PTPRE: variants seen among roughly 807,000 people sequenced by gnomAD.
The protein encoded by PTPRE is protein tyrosine phosphatase receptor type E, also known as receptor-type tyrosine-protein phosphatase epsilon.
Under a neutral mutation model 102.0 loss-of-function variants are expected in PTPRE, and 51 were observed. The ratio of observed to expected loss-of-function variants is 0.50; its 90% CI spans 0.40 to 0.63. PTPRE has a LOEUF of 0.63. Ranked by LOEUF, PTPRE falls within the 30% of genes least tolerant of loss-of-function variation. The pLI, the probability that PTPRE is intolerant of heterozygous loss-of-function variation, is 0.00. For synonymous variants in PTPRE, 345 were observed against 348.2 expected, an observed-to-expected ratio of 0.99 and a Z score of 0.10; for missense variants, 752 against 915.1, an observed-to-expected ratio of 0.82 and a Z score of 2.30.
In PTPRE at chr10:127,995,387, A is replaced by G. The variant is rs995037718; in HGVS notation, c.-8+13091A>G. Among the ~76,000 whole-genome samples the G allele has an allele frequency of 3.9e-5, 6 of 152,138 alleles. No homozygotes were observed. In the South Asian group the frequency reaches 6.2e-4, roughly 16 times the overall value. ...TACCTGGTCTTCTTGGTTTTCTTCC[A>G]TCCGCGTCCCTGGAGATGGTTATGT... On this transcript the variant is annotated intron_variant, in intron 2 of 20. Coordinates refer to ENST00000254667, the MANE Select transcript of PTPRE (RefSeq NM_006504.6).
chr10:127,915,436 C>T (rs545272461), intron 1 of PTPRE, among the ~76,000 whole-genome samples: 1 of 152,198 alleles, frequency 6.6e-6, no homozygotes, highest in Admixed American at 6.5e-5. Flanking sequence ...GTTGACTAAG[C>T]GCTCTCTTTT....
In PTPRE at chr10:128,070,768, C is replaced by T. The variant is rs750959510; in HGVS notation, c.1294-40C>T. On this transcript the variant is annotated intron_variant, in intron 14 of 20. Coordinates refer to ENST00000254667, the MANE Select transcript of PTPRE (RefSeq NM_006504.6). The surrounding 1 kb of genome is among the most constrained non-coding windows in gnomAD (Gnocchi z 4.8). Reference sequence around the variant, plus strand: ...GGCTGAGCAATGTGCTCAGGAGTGTCAGAGGTTTAACTGTGTCATTATATC... The same window carrying T: ...GGCTGAGCAATGTGCTCAGGAGTGTTAGAGGTTTAACTGTGTCATTATATC... 3 of 1,585,906 alleles carry T rather than the reference C, an allele frequency of 1.9e-6. No homozygotes were observed. Among genetic ancestry groups the T allele is most frequent in the Non-Finnish European group, 2.6e-6 (3 of 1,155,770 alleles).
At chr10:127,952,251 G>T (rs906891399) in intron 1 of PTPRE, among the ~76,000 whole-genome samples, 3 of 152,122 alleles carry the variant, frequency 2.0e-5, no homozygotes, top group African/African-American at 7.2e-5. Context: ...CCTTAAATCA[G>T]CTTAGGTCAG....
At chr10:127,984,672 T>C (rs1466548108) in intron 2 of PTPRE, among the ~76,000 whole-genome samples, 2 of 152,204 alleles carry the variant, frequency 1.3e-5, no homozygotes, top group Admixed American at 6.5e-5. Flanking sequence ...TCCCCCATAC[T>C]GTTCTCGTGG....
chr10:127,957,656 T>C (rs1340806392), intron 1 of PTPRE, among the ~76,000 whole-genome samples: 1 of 152,220 alleles, frequency 6.6e-6, no homozygotes, highest in Non-Finnish European at 1.5e-5. Flanking sequence ...TCTGTTCTTC[T>C]CCTTCAATAT....
chr10:127,994,213 G>T (rs1853010930), intron 2 of PTPRE, among the ~76,000 whole-genome samples: 1 of 152,224 alleles, frequency 6.6e-6, no homozygotes, highest in Non-Finnish European at 1.5e-5. Flanking sequence ...TCAGAGCCCT[G>T]CAGGGTCCTG....
intron 1 of PTPRE, among the ~76,000 whole-genome samples, chr10:127,939,420 G>C (rs1354003087): frequency 6.6e-6 from 1 of 152,142 alleles, no homozygotes; most frequent in Non-Finnish European, 1.5e-5. Context: ...TTTCAAACAG[G>C]GATCTCACAT....
chr10:128,074,786 CGTCATAACTCTAT>C (rs1851088987), intron 17 of PTPRE, among the ~76,000 whole-genome samples: 1 of 152,122 alleles, frequency 6.6e-6, no homozygotes, highest in Non-Finnish European at 1.5e-5. Flanking sequence ...TGCTAGGTCA[CGTCATAACTCTAT>C]GTCATAAACT....
intron 1 of PTPRE, among the ~76,000 whole-genome samples, chr10:127,909,153 C>A (rs1385755098): frequency 6.6e-6 from 1 of 152,214 alleles, no homozygotes; most frequent in African/African-American, 2.4e-5. Context: ...TCCTGAAGCA[C>A]TGTGCCCTGA....
Position 127,974,999 on chromosome 10 carries a change from C to T in PTPRE, c.-30-7275C>T, listed in dbSNP as rs542369394. 5.9e-5 allele frequency among the ~76,000 whole-genome samples: 9 copies of T among 152,150 alleles called. No homozygotes were observed. In the South Asian group the frequency reaches 6.2e-4, roughly 11 times the overall value. On this transcript the variant is annotated intron_variant, in intron 1 of 20. Coordinates refer to ENST00000254667, the MANE Select transcript of PTPRE (RefSeq NM_006504.6). ...TGAAGACACATAAAGATGGAAGGGG[C>T]GGGCGGGGAACAGCTAGGCACCAGG...
chr10:128,008,705 AAGT>A lies in PTPRE; in HGVS notation c.-8+26412_-8+26414del, dbSNP rs1284319113. Among the ~76,000 whole-genome samples the A allele has an allele frequency of 1.3e-5, 2 of 152,164 alleles. No homozygotes were observed. The highest frequency in any genetic ancestry group is 2.9e-5 in the Non-Finnish European group (2 of 68,036). ...TCCGGCCAGGACTCAAGGATGTAAG[AAGT>A]AGGAGACGCAGGATCAGGGGCACAG... On this transcript the variant is annotated intron_variant, in intron 2 of 20. Transcript: ENST00000254667. The surrounding 1 kb of genome is among the most constrained non-coding windows in gnomAD (Gnocchi z 4.0).
chr10:127,995,004 A>G (rs562961184), intron 2 of PTPRE, among the ~76,000 whole-genome samples: 1 of 152,226 alleles, frequency 6.6e-6, no homozygotes. Context: ...TCACTGGGAG[A>G]TGCGTTCTAA....
Position 127,944,631 on chromosome 10 carries a change from A to G in PTPRE, c.-31+37322A>G, listed in dbSNP as rs1259416679. ...GCAGAAACTGGATCATGAAGGCCCT[A>G]TAAGGATTTTGCACATAATAGAAGG... is the stretch of plus-strand genomic sequence containing the variant. On this transcript the variant is annotated intron_variant, in intron 1 of 20. Coordinates refer to ENST00000254667, the MANE Select transcript of PTPRE (RefSeq NM_006504.6). This position sits in a 1 kb window ranked among gnomAD's most constrained non-coding sequence, Gnocchi z 4.2. 6.6e-6 allele frequency among the ~76,000 whole-genome samples: 1 copy of G among 152,124 alleles called. No individual in the cohort carries two copies. The highest frequency in any genetic ancestry group is 1.5e-5 in the Non-Finnish European group (1 of 68,014).
rs1201438984 is a variant in PTPRE, at chr10:128,073,410, T to A, written c.1538T>A (p.Met513Lys). 6.2e-7 allele frequency: 1 copy of A among 1,614,084 alleles called. No individual in the cohort carries two copies. Among genetic ancestry groups the A allele is most frequent in the African/African-American group, 1.3e-5 (1 of 74,936 alleles). The change falls in exon 17 of 21, where the codon ATG becomes AAG. Residue 513 changes from methionine to lysine, a missense_variant. Physicochemically the swap from Met to Lys is moderately conservative, Grantham distance 95. Transcript: ENST00000254667. Reference sequence around the variant, plus strand: ...CACACGGTTGAGGACTTCTGGAGGATGATCTGGGAATGGAAATCCCACACT... The same window carrying A: ...CACACGGTTGAGGACTTCTGGAGGAAGATCTGGGAATGGAAATCCCACACT... ...LAHTVEDFWR[M>K]IWEWKSHTIV...
At chr10:128,005,275 T>G (rs980614144) in intron 2 of PTPRE, among the ~76,000 whole-genome samples, 4 of 152,178 alleles carry the variant, frequency 2.6e-5, no homozygotes, top group Non-Finnish European at 5.9e-5. Flanking sequence ...TGAAAAACAT[T>G]GCATCATAAA....
intron 7 of PTPRE, among the ~76,000 whole-genome samples, chr10:128,059,554 GACCTAGAGTT>G (rs1160376794): frequency 2.0e-5 from 3 of 152,236 alleles, no homozygotes; most frequent in African/African-American, 7.2e-5. Flanking sequence ...GCAGGGAGAG[GACCTAGAGTT>G]ACTCAGTAAT....
At chr10:128,018,661 C>G (rs1845626970) in intron 2 of PTPRE, among the ~76,000 whole-genome samples, 1 of 152,156 alleles carries the variant, frequency 6.6e-6, no homozygotes, top group Non-Finnish European at 1.5e-5. Context: ...CGACCAGGGA[C>G]CCTCACTCTC....
At chr10:127,977,756 A>G (rs557610761) in intron 1 of PTPRE, among the ~76,000 whole-genome samples, 10 of 152,314 alleles carry the variant, frequency 6.6e-5, no homozygotes, top group African/African-American at 2.4e-4. Context: ...CAGCCTGGCC[A>G]CTTCCTGTGG....
chr10:127,999,932 A>T (rs1221893006), intron 2 of PTPRE: 1 of 985,322 alleles, frequency 1.0e-6, no homozygotes, highest in Non-Finnish European at 1.2e-6. Flanking sequence ...CGAATTGATC[A>T]CCTAGGGGCT....
Sources: gnomAD v4.1 joint callset for allele counts (sites outside exome capture counted in the v4.1 genomes callset) on GRCh38, gnomAD v4.1.1 for gene constraint, Gnocchi (gnomAD v3.1) non-coding constraint, MANE v1.5 for transcripts, NCBI Gene and HGNC (gene_info 2026-07-23, HGNC 2026-07-21) for gene names.